The following UTP23 variants were observed in gnomAD, a reference collection of about 807,000 sequenced individuals.
UTP23 encodes rRNA-processing protein UTP23 homolog.
A neutral mutation model predicts 19.8 loss-of-function variants in UTP23; 10 were observed. That is an observed-to-expected ratio of 0.50 (90% CI 0.31 to 0.86). UTP23 has a LOEUF of 0.86. UTP23 is among the 40% of genes least tolerant of loss of function. The probability of loss-of-function intolerance (pLI) is 0.05; values close to 1 mark genes in which losing one functional copy is unlikely to be tolerated. For missense variants in UTP23, 282 were observed against 293.1 expected (o/e 0.96, Z 0.28); for synonymous variants, 108 against 105.4 (o/e 1.02, Z -0.15).
chr8:116,773,985 CTTTAT>C lies in UTP23; in HGVS notation c.*2147_*2151del, dbSNP rs1815692932. 2 of 985,108 alleles carry C rather than the reference CTTTAT, an allele frequency of 2.0e-6. No homozygotes were observed. Among genetic ancestry groups the C allele is most frequent in the African/African-American group, 1.7e-5 (1 of 57,164 alleles). 61.0% of individuals were successfully genotyped at this position (985,108 alleles called of 1,614,324 possible). A position where few individuals can be genotyped will look rare whatever the true frequency, so the allele number is the denominator to read the frequency against. ...ACCCCTAAAACCTCAGAATTATTTG[CTTTAT>C]TTTTTCATACAACTTGGGGAAGGGA... is the stretch of plus-strand genomic sequence containing the variant. On this transcript the variant is annotated 3_prime_UTR_variant, in exon 3 of 3. Transcript: ENST00000309822.
Position 116,770,355 on chromosome 8 carries a change from G to T in UTP23, c.352G>T (p.Val118Leu). ...AGAGGGAAATCCTCATCATTATTTT[G>T]TGGCAACACAGGTGATACTACTTTT... is the stretch of plus-strand genomic sequence containing the variant. ...VEEGNPHHYF[V>L]ATQDQNLSVK... The change falls in exon 2 of 3, where the codon GTG (valine) becomes TTG (leucine). Residue 118 changes from valine to leucine, a missense_variant. Val to Leu is a conservative substitution (Grantham distance 32, BLOSUM62 1). Transcript: ENST00000309822. 1 of 1,610,370 alleles carries T rather than the reference G, an allele frequency of 6.2e-7. No individual in the cohort carries two copies. Among genetic ancestry groups the T allele is most frequent in the Non-Finnish European group, 8.5e-7 (1 of 1,177,198 alleles).
In UTP23 at chr8:116,766,803, G is replaced by A; in HGVS notation, c.188+12G>A. On this transcript the variant is annotated intron_variant, in intron 1 of 2. Transcript: ENST00000309822. ...CTGTGCACCACAAGGTGGGCCCGGG[G>A]GGCTGGGGAGGAGGCACAGAGGGTC... 1 of 1,519,034 alleles carries A rather than the reference G, an allele frequency of 6.6e-7. No homozygotes were observed. The highest frequency in any genetic ancestry group is 8.8e-7 in the Non-Finnish European group (1 of 1,131,208). 94.1% of individuals were successfully genotyped at this position (1,519,034 alleles called of 1,614,324 possible). A position where few individuals can be genotyped will look rare whatever the true frequency, so the allele number is the denominator to read the frequency against.
In UTP23 at chr8:116,766,586, G is replaced by A. The variant is rs777156372; in HGVS notation, c.-18G>A. 1.9e-6 allele frequency: 3 copies of A among 1,606,024 alleles called. No individual in the cohort carries two copies. The highest frequency in any genetic ancestry group is 2.7e-5 in the African/African-American group (2 of 74,748). On this transcript the variant is annotated 5_prime_UTR_variant, in exon 1 of 3. Coordinates refer to ENST00000309822, the MANE Select transcript of UTP23 (RefSeq NM_032334.3). The stretch of plus-strand genomic sequence containing the variant: ...TGATGCTTCCTGGTCCGGTGGCCTC[G>A]GTCCCGGTAAGCCAGGCATGAAGAT...
intron 1 of UTP23, among the ~76,000 whole-genome samples, chr8:116,768,751 G>A (rs556198631): frequency 5.9e-5 from 9 of 152,230 alleles, no homozygotes; most frequent in East Asian, 3.9e-4. Context: ...TGCAGCCTCC[G>A]CCTCCCGGGT....
At chr8:116,770,552 A>G in intron 2 of UTP23, 186 bp downstream of exon 2, 1 of 549,464 alleles carries the variant, frequency 1.8e-6, no homozygotes, top group Non-Finnish European at 3.0e-6. Flanking sequence ...GCATGTTGAT[A>G]TTCTTTTTAG....
intron 2 of UTP23, 146 bp downstream of exon 2, chr8:116,770,512 T>A (rs74702563): frequency 1.4e-6 from 1 of 719,946 alleles, no homozygotes; most frequent in Non-Finnish European, 2.0e-6. Flanking sequence ...TAAAAGCAAT[T>A]GTCATTTGAG....
intron 1 of UTP23, 158 bp from the exon 2 acceptor site, chr8:116,770,034 G>T: frequency 1.6e-6 from 1 of 642,182 alleles, no homozygotes; most frequent in Non-Finnish European, 2.5e-6. Context: ...CTTCCTACTT[G>T]GTAAATGCAT....
At chr8:116,769,701 TTGA>T (rs1337573516) in intron 1 of UTP23, among the ~76,000 whole-genome samples, 15 of 152,180 alleles carry the variant, frequency 9.9e-5, no homozygotes, top group African/African-American at 3.1e-4. Flanking sequence ...TAAAAACAAC[TTGA>T]TGATGTGAGA....
In UTP23 at chr8:116,770,313, C is replaced by G; in HGVS notation, c.310C>G (p.Leu104Val). ...FKNAVSGSEC[L>V]LSMVEEGNPH... ...GAATGCAGTGAGTGGATCAGAATGT[C>G]TGCTTTCCATGGTTGAAGAGGGAAA... The change falls in exon 2 of 3, where the codon CTG becomes GTG. Residue 104 changes from leucine (L) to valine (V), a missense_variant. Coordinates refer to ENST00000309822, the MANE Select transcript of UTP23 (RefSeq NM_032334.3). 6.2e-7 allele frequency: 1 copy of G among 1,613,912 alleles called. No individual in the cohort carries two copies. Among genetic ancestry groups the G allele is most frequent in the Non-Finnish European group, 8.5e-7 (1 of 1,179,858 alleles).
At position 116,774,091 on chromosome 8, in the gene UTP23, G is replaced by T; in HGVS notation, c.*2249G>T. On this transcript the variant is annotated 3_prime_UTR_variant, in exon 3 of 3. Transcript: ENST00000309822. ...AGAAAATGTTAACCTCTGCTTTAGA[G>T]GGTAGCTACTAGCTTTGTTGGGGAT... 2 of 985,378 alleles carry T rather than the reference G, an allele frequency of 2.0e-6. No individual in the cohort carries two copies. Among genetic ancestry groups the T allele is most frequent in the South Asian group, 9.4e-5 (2 of 21,276 alleles). 61.0% of individuals were successfully genotyped at this position (985,378 alleles called of 1,614,324 possible).
chr8:116,769,761 G>T (rs990148437), intron 1 of UTP23, among the ~76,000 whole-genome samples: 1 of 152,158 alleles, frequency 6.6e-6, no homozygotes, highest in Non-Finnish European at 1.5e-5. Flanking sequence ...ATACCAATTT[G>T]TACTTGAAGC....
At chr8:116,771,194 A>G (rs1815645904) in intron 2 of UTP23, among the ~76,000 whole-genome samples, 1 of 152,142 alleles carries the variant, frequency 6.6e-6, no homozygotes, top group Admixed American at 6.5e-5. Context: ...TAACACATTT[A>G]CCTTTGCATT....
rs954852535 is a variant in UTP23 at position 116,772,341 on chromosome 8, G to T, written c.*499G>T. ...GCAAACAGTTTTAAAAAATCTTACA[G>T]TTCTAAAAGGCTTGTGACAAAAAAA... On this transcript the variant is annotated 3_prime_UTR_variant, in exon 3 of 3. Coordinates refer to ENST00000309822, the MANE Select transcript of UTP23 (RefSeq NM_032334.3). 1.0e-6 allele frequency: 1 copy of T among 985,238 alleles called. No homozygotes were observed. Among genetic ancestry groups the T allele is most frequent in the Middle Eastern group, 5.2e-4 (1 of 1,914 alleles). The allele number at this position is 985,238 out of a possible 1,614,324, so 61.0% of individuals were successfully genotyped here.
rs767030128 is a variant in UTP23 at position 116,773,925 on chromosome 8, G to A, written c.*2083G>A. Reference sequence around the variant, plus strand: ...AAAAGTCTCATATCCTTGTACTTCAGTTTTTTTGTGTGTGAATACTATCCC... The same window carrying A: ...AAAAGTCTCATATCCTTGTACTTCAATTTTTTTGTGTGTGAATACTATCCC... On this transcript the variant is annotated 3_prime_UTR_variant, in exon 3 of 3. Coordinates refer to ENST00000309822, the MANE Select transcript of UTP23 (RefSeq NM_032334.3). The A allele has an allele frequency of 5.1e-6, 5 of 984,360 alleles. No individual in the cohort carries two copies. Among genetic ancestry groups the A allele is most frequent in the Non-Finnish European group, 6.0e-6 (5 of 829,168 alleles). The allele number at this position is 984,360 out of a possible 1,614,324, so 61.0% of individuals were successfully genotyped here. A position where few individuals can be genotyped will look rare whatever the true frequency, so the allele number is the denominator to read the frequency against.
rs1815661315 is a variant in UTP23 at position 116,771,870 on chromosome 8, A to C, written c.*28A>C. ...CCTTTGGATACTTTCAAGGACATTC[A>C]AATGTGAAAATGAATTTTTTACAAC... On this transcript the variant is annotated 3_prime_UTR_variant, in exon 3 of 3. Coordinates refer to ENST00000309822, the MANE Select transcript of UTP23 (RefSeq NM_032334.3). 2.0e-6 allele frequency: 3 copies of C among 1,507,598 alleles called. No individual in the cohort carries two copies. Among genetic ancestry groups the C allele is most frequent in the East Asian group, 2.3e-5 (1 of 43,426 alleles). 93.4% of individuals were successfully genotyped at this position (1,507,598 alleles called of 1,614,324 possible).
intron 1 of UTP23, among the ~76,000 whole-genome samples, chr8:116,768,988 C>A (rs1183592338): frequency 6.6e-6 from 1 of 150,810 alleles, no homozygotes; most frequent in Non-Finnish European, 1.5e-5. Context: ...TTGGCAGTTT[C>A]CCCTCCCTTT....
intron 1 of UTP23, among the ~76,000 whole-genome samples, chr8:116,768,727 C>A (rs372554656): frequency 6.6e-6 from 1 of 152,110 alleles, no homozygotes; most frequent in South Asian, 2.1e-4. Flanking sequence ...TGCAGTGGTG[C>A]GATCATGGCT....
In UTP23 at chr8:116,766,576, C is replaced by T. The variant is rs756476291; in HGVS notation, c.-28C>T. 5 of 1,599,866 alleles carry T rather than the reference C, an allele frequency of 3.1e-6. No individual in the cohort carries two copies. The highest frequency in any genetic ancestry group is 2.7e-5 in the African/African-American group (2 of 74,634). On this transcript the variant is annotated 5_prime_UTR_variant, in exon 1 of 3. Coordinates refer to ENST00000309822, the MANE Select transcript of UTP23 (RefSeq NM_032334.3). The stretch of plus-strand genomic sequence containing the variant: ...AGGCGTTTACTGATGCTTCCTGGTC[C>T]GGTGGCCTCGGTCCCGGTAAGCCAG...
chr8:116,768,236 C>T (rs1353378192), intron 1 of UTP23, among the ~76,000 whole-genome samples: 1 of 152,186 alleles, frequency 6.6e-6, no homozygotes, highest in African/African-American at 2.4e-5. Context: ...TTAGGGCTGT[C>T]TAACAAATCC....
Sources: allele counts gnomAD v4.1 joint callset (sites outside exome capture counted in the v4.1 genomes callset), GRCh38; gene constraint gnomAD v4.1.1; transcripts MANE v1.5; gene names NCBI Gene and HGNC (gene_info 2026-07-23, HGNC 2026-07-21).